PRRC1: variants seen among roughly 807,000 people sequenced by gnomAD.
PRRC1 encodes the protein proline rich coiled-coil 1, also known as protein PRRC1.
PRRC1 carries 39 observed loss-of-function variants against 40.7 expected under a neutral mutation model. The ratio of observed to expected loss-of-function variants is 0.96; its 90% CI spans 0.74 to 1.25. PRRC1 has a LOEUF of 1.25. Among genes scored for constraint, PRRC1 ranks in the 50% most tolerant of loss-of-function variants. The pLI, the probability that PRRC1 is intolerant of heterozygous loss-of-function variation, is 0.00. For synonymous variants in PRRC1, 175 were observed against 193.3 expected, an observed-to-expected ratio of 0.91 and a Z score of 0.79; for missense variants, 573 against 548.3, an observed-to-expected ratio of 1.05 and a Z score of -0.45.
Position 127,541,982 on chromosome 5 carries a change from G to T in PRRC1, c.1025+2839G>T, listed in dbSNP as rs898565498. ...ATTGTGATGTTAGGGTGTCAATTTTGGATCTTTCCTACTTTCTCTTGTGGG... is the reference window on the plus strand; with the variant it reads ...ATTGTGATGTTAGGGTGTCAATTTTTGATCTTTCCTACTTTCTCTTGTGGG... On this transcript the variant is annotated intron_variant, in intron 7 of 8. Transcript: ENST00000296666. Among the ~76,000 whole-genome samples the T allele has an allele frequency of 9.3e-4, 141 of 151,612 alleles. 1 individual carries two copies. The highest frequency in any genetic ancestry group is 2.1e-3 in the Admixed American group (32 of 15,242).
At chr5:127,527,185 T>A (rs975602675) in intron 4 of PRRC1, among the ~76,000 whole-genome samples, 2 of 152,248 alleles carry the variant, frequency 1.3e-5, no homozygotes, top group African/African-American at 4.8e-5. Flanking sequence ...TTATTTTTTT[T>A]AAATTAGTTA....
intron 4 of PRRC1, among the ~76,000 whole-genome samples, chr5:127,527,240 C>T (rs908878727): frequency 2.0e-5 from 3 of 151,994 alleles, no homozygotes; most frequent in African/African-American, 7.3e-5. Context: ...TTATGCACAA[C>T]ATGATGTATA....
intron 5 of PRRC1, 27 bp from the exon 6 acceptor site, chr5:127,533,596 A>G: frequency 6.3e-7 from 1 of 1,590,144 alleles, no homozygotes; most frequent in African/African-American, 1.4e-5. Flanking sequence ...TTAATTTGAA[A>G]GTTAAATTTT....
At chr5:127,539,930 ACT>A (rs1320733328) in intron 7 of PRRC1, among the ~76,000 whole-genome samples, 2 of 151,710 alleles carry the variant, frequency 1.3e-5, no homozygotes, top group Admixed American at 6.6e-5. Context: ...AGTGGAGGTA[ACT>A]CTGTGGAGAT....
At chr5:127,525,047 C>T in intron 3 of PRRC1, 127 bp downstream of exon 3, 1 of 980,866 alleles carries the variant, frequency 1.0e-6, no homozygotes, top group Middle Eastern at 3.1e-4. Flanking sequence ...CATACAGTTC[C>T]ATAGTTAGTT....
In PRRC1 at chr5:127,530,369, C is replaced by T. The variant is rs191407511; in HGVS notation, c.730C>T (p.Leu244=). 1.7e-5 allele frequency: 27 copies of T among 1,613,818 alleles called. No homozygotes were observed. The African/African-American group carries it at 3.3e-4, about 20-fold the overall frequency. ...KHSVESMITT[L]DPGMAPYIKS... ...TTCAGTAGAAAGCATGATTACAACG[C>T]TGGACCCTGGCATGGCTCCCTATAT... The change falls in exon 5 of 9, where the codon CTG becomes TTG. Residue 244 remains leucine, a synonymous_variant. Coordinates refer to ENST00000296666, the MANE Select transcript of PRRC1 (RefSeq NM_130809.5).
At chr5:127,522,022 G>C (rs31190) in intron 1 of PRRC1, among the ~76,000 whole-genome samples, 74,781 of 151,920 alleles carry the variant, frequency 0.49, 19,561 homozygotes, top group African/African-American at 0.67. Context: ...TGATTGTTTC[G>C]TGTACTAGAC....
Position 127,536,297 on chromosome 5 carries a change from GAA to G in PRRC1, c.921+2520_921+2521del, listed in dbSNP as rs35150955. Among the ~76,000 whole-genome samples the G allele has an allele frequency of 2.4e-4, 36 of 148,462 alleles. No homozygotes were observed. The Middle Eastern group carries it at 0.01, about 43-fold the overall frequency. ...TAGGGTTTGAATTTAATCTAGAAAT[GAA>G]AAAAAAAATACAGCAAATGGGTAAA... On this transcript the variant is annotated intron_variant, in intron 6 of 8. Coordinates refer to ENST00000296666, the MANE Select transcript of PRRC1 (RefSeq NM_130809.5).
chr5:127,524,453 G>C (rs7733544), intron 2 of PRRC1, 78 bp from the exon 3 acceptor site: 87,238 of 1,456,246 alleles, frequency 0.06, 5,354 homozygotes, highest in African/African-American at 0.32. Context: ...TTTGCAAGAA[G>C]AAAGTAATTA....
intron 8 of PRRC1, chr5:127,550,778 G>A (rs949759134): frequency 6.6e-6 from 1 of 152,178 alleles, no homozygotes; most frequent in African/African-American, 2.4e-5. Context: ...GTGAAATACT[G>A]ATACTGTAGT....
At chr5:127,517,862 G>C (rs1183000176) in intron 1 of PRRC1, 86 bp downstream of exon 1, 1 of 152,374 alleles carries the variant, frequency 6.6e-6, no homozygotes, top group Admixed American at 6.5e-5. Context: ...CAGACCCCGA[G>C]GGACGGTGTC....
In PRRC1 at chr5:127,524,807, G is replaced by A; in HGVS notation, c.380G>A (p.Gly127Asp). 1 of 1,614,034 alleles carries A rather than the reference G, an allele frequency of 6.2e-7. No homozygotes were observed. Among genetic ancestry groups the A allele is most frequent in the South Asian group, 1.1e-5 (1 of 91,070 alleles). Residue 127 changes from glycine (G) to aspartate (D), a missense_variant, in exon 3 of 9, where the codon GGT (glycine) becomes GAT (aspartate). Coordinates refer to ENST00000296666, the MANE Select transcript of PRRC1 (RefSeq NM_130809.5). ...ACTCTTTTACCTGCACCCCCTTCGG[G>A]TCCTCCTATATCAGGATTTTCTGTT... ...PNTLLPAPPS[G>D]PPISGFSVGS...
At position 127,547,889 on chromosome 5, in the gene PRRC1, G is replaced by A; in HGVS notation, c.1096G>A (p.Ala366Thr). 3.1e-6 allele frequency: 5 copies of A among 1,613,680 alleles called. No individual in the cohort carries two copies. The highest frequency in any genetic ancestry group is 1.7e-4 in the Middle Eastern group (1 of 6,058). Residue 366 changes from alanine to threonine, a missense_variant, in exon 8 of 9, where the codon GCC (alanine) becomes ACC (threonine). Ala to Thr is a moderately conservative substitution (Grantham distance 58). Coordinates refer to ENST00000296666, the MANE Select transcript of PRRC1 (RefSeq NM_130809.5). ...CATTCATCTAGAAACATTTACACAA[G>A]CCACACCAGTGCCTTTGGAATTTGT... ...HGIHLETFTQ[A>T]TPVPLEFVQQ...
At chr5:127,523,842 A>G (rs1327540160) in intron 2 of PRRC1, 2 of 315,506 alleles carry the variant, frequency 6.3e-6, no homozygotes, top group Non-Finnish European at 1.1e-5. Flanking sequence ...TATGGCAGAA[A>G]TATCCTAAAA....
chr5:127,542,495 T>A (rs1406177574), intron 7 of PRRC1, among the ~76,000 whole-genome samples: 128 of 151,996 alleles, frequency 8.4e-4, no homozygotes, highest in African/African-American at 2.8e-3. Flanking sequence ...CCCATTATTA[T>A]TGTGTGGGAG....
At chr5:127,544,698 A>ATCC (rs1159616378) in intron 7 of PRRC1, among the ~76,000 whole-genome samples, 2 of 152,162 alleles carry the variant, frequency 1.3e-5, no homozygotes, top group Non-Finnish European at 2.9e-5. Flanking sequence ...TGCGGGATAT[A>ATCC]ATCTCCTGGT....
chr5:127,535,487 AG>A, intron 6 of PRRC1, among the ~76,000 whole-genome samples: 1 of 152,334 alleles, frequency 6.6e-6, no homozygotes, highest in Non-Finnish European at 1.5e-5. Context: ...GTTCAGCCTC[AG>A]CTAGGAGTGT....
intron 7 of PRRC1, among the ~76,000 whole-genome samples, chr5:127,543,861 C>T (rs1298172136): frequency 1.3e-5 from 2 of 151,604 alleles, no homozygotes; most frequent in African/African-American, 4.9e-5. Flanking sequence ...CTGAAGCCTT[C>T]TTCTCTCAAC....
At chr5:127,526,930 A>T (rs151070794) in intron 4 of PRRC1, 152 bp downstream of exon 4, 10 of 613,120 alleles carry the variant, frequency 1.6e-5, no homozygotes, top group Admixed American at 6.7e-5. Context: ...TCTCTTGCCT[A>T]TGCATATCTG....
Sources: allele counts gnomAD v4.1 joint callset (sites outside exome capture counted in the v4.1 genomes callset), GRCh38; gene constraint gnomAD v4.1.1; transcripts MANE v1.5; gene names NCBI Gene and HGNC (gene_info 2026-07-23, HGNC 2026-07-21).